Variants in DCAF6 observed in about 807,000 individuals in gnomAD.
DCAF6 encodes the protein DDB1 and CUL4 associated factor 6.
Under a neutral mutation model 125.1 loss-of-function variants are expected in DCAF6, and 54 were observed. The observed-to-expected ratio is 0.43, with a 90% confidence interval of 0.35 to 0.54. The LOEUF is 0.54. Ranked by LOEUF, DCAF6 falls within the 20% of genes least tolerant of loss-of-function variation. The pLI is 0.01. For synonymous variants in DCAF6, 371 were observed against 390.4 expected (o/e 0.95, Z 0.58); for missense variants, 934 against 1,161.7 (o/e 0.80, Z 2.85).
chr1:167,920,643 C>T, the DCAF6 span: 37 of 1,603,006 alleles, frequency 2.3e-5, no homozygotes, highest in South Asian at 4.5e-5. Context: ...TACACATTAA[C>T]GCATAGAAAG....
intron 2 of DCAF6, among the ~76,000 whole-genome samples, chr1:167,953,253 C>T (rs931763218): frequency 1.3e-5 from 2 of 152,108 alleles, no homozygotes; most frequent in Admixed American, 6.5e-5. Flanking sequence ...TCTCACTTAC[C>T]TGTAAAGCTT....
the DCAF6 span, chr1:167,904,660 C>A: frequency 2.2e-5 from 13 of 587,056 alleles, no homozygotes; most frequent in South Asian, 2.2e-4. Flanking sequence ...CTAGGGAGAT[C>A]ATTTCCTGAG....
At position 167,991,225 on chromosome 1, in the gene DCAF6, C is replaced by T. The variant is rs946508292; in HGVS notation, c.574C>T (p.Arg192Cys). Reference sequence around the variant, plus strand: ...GTAGGATATTTTAATTAACTGTCGACGTGCTGCCACGTCTGTTGCTATTTG... The same window carrying T: ...GTAGGATATTTTAATTAACTGTCGATGTGCTGCCACGTCTGTTGCTATTTG... ...CKDDILINCR[R>C]AATSVAICPP... The change falls in exon 6 of 22, where the codon CGT becomes TGT. Residue 192 changes from arginine (R) to cysteine (C), a missense_variant. Physicochemically the swap from Arg to Cys is radical, Grantham distance 180. Coordinates refer to ENST00000367840, the MANE Select transcript of DCAF6 (RefSeq NM_001198956.2). 1.6e-5 allele frequency: 25 copies of T among 1,611,612 alleles called. No individual in the cohort carries two copies. The highest frequency in any genetic ancestry group is 4.5e-5 in the East Asian group (2 of 44,798).
At chr1:167,925,300 C>A in the DCAF6 span, among the ~76,000 whole-genome samples, 2 of 151,508 alleles carry the variant, frequency 1.3e-5, no homozygotes, top group Non-Finnish European at 2.9e-5. Flanking sequence ...ACTATTCATA[C>A]TTGTACCCCT....
chr1:167,939,005 A>G (rs886886782), intron 1 of DCAF6, among the ~76,000 whole-genome samples: 1 of 152,218 alleles, frequency 6.6e-6, no homozygotes, highest in Non-Finnish European at 1.5e-5. Flanking sequence ...ATGATAATAT[A>G]TACTCTTAAA....
intron 12 of DCAF6, among the ~76,000 whole-genome samples, chr1:168,026,629 A>T (rs929745026): frequency 9.2e-5 from 14 of 152,092 alleles, no homozygotes; most frequent in African/African-American, 3.4e-4. Flanking sequence ...AGGTGTCTTG[A>T]TAGGGTGATA....
chr1:167,943,207 C>T (rs1010676632), intron 1 of DCAF6, among the ~76,000 whole-genome samples: 1 of 152,160 alleles, frequency 6.6e-6, no homozygotes, highest in Admixed American at 6.5e-5. Flanking sequence ...CCGCGCCTGG[C>T]CGAAATTTGG....
chr1:167,982,895 C>A (rs554065953), intron 4 of DCAF6, among the ~76,000 whole-genome samples: 1 of 152,078 alleles, frequency 6.6e-6, no homozygotes, highest in Non-Finnish European at 1.5e-5. Flanking sequence ...GCCAGTGATC[C>A]CAGCACCATT....
At chr1:167,931,103 C>A (rs546756839), upstream of DCAF6, among the ~76,000 whole-genome samples, 1 of 152,258 alleles carries the variant, frequency 6.6e-6, no homozygotes, top group African/African-American at 2.4e-5. Context: ...AGCTAAATTT[C>A]GTATTTTTAG....
At position 168,004,579 on chromosome 1, in the gene DCAF6, A is replaced by G. The variant is rs766593524; in HGVS notation, c.1164A>G (p.Ser388=). ...TTTCAACTCTTCCTACGGTCCCATCAAGTCCTGATTTGGAAGTGAGTGAAA... is the reference window on the plus strand; with the variant it reads ...TTTCAACTCTTCCTACGGTCCCATCGAGTCCTGATTTGGAAGTGAGTGAAA... The part of the protein sequence containing the change: ...SDISTLPTVP[S]SPDLEVSETA... Residue 388 remains serine (S), a synonymous_variant, in exon 10 of 22, where the codon TCA becomes TCG. Coordinates refer to ENST00000367840, the MANE Select transcript of DCAF6 (RefSeq NM_001198956.2). The G allele has an allele frequency of 6.2e-7, 1 of 1,612,162 alleles. No homozygotes were observed. The highest frequency in any genetic ancestry group is 2.2e-5 in the East Asian group (1 of 44,858).
the DCAF6 span, among the ~76,000 whole-genome samples, chr1:167,894,520 T>G: frequency 7.9e-5 from 12 of 151,874 alleles, no homozygotes; most frequent in Non-Finnish European, 1.8e-4. Flanking sequence ...GATAGACTGA[T>G]AAGAGATGGT....
At chr1:167,961,312 G>A (rs774471144) in intron 2 of DCAF6, among the ~76,000 whole-genome samples, 10 of 151,906 alleles carry the variant, frequency 6.6e-5, no homozygotes, top group Admixed American at 3.3e-4. Context: ...GCGCGATCTC[G>A]GCTCAATGCA....
At chr1:167,897,261 A>G in the DCAF6 span, among the ~76,000 whole-genome samples, 1 of 150,724 alleles carries the variant, frequency 6.6e-6, no homozygotes, top group Non-Finnish European at 1.5e-5. Flanking sequence ...TGAGGTGGGC[A>G]GATTGCTTGA....
At chr1:167,965,493 T>C (rs1040630841) in intron 2 of DCAF6, among the ~76,000 whole-genome samples, 1 of 152,202 alleles carries the variant, frequency 6.6e-6, no homozygotes, top group Non-Finnish European at 1.5e-5. Flanking sequence ...TGGTTTCTTT[T>C]TCCCTCCCTC....
the DCAF6 span, among the ~76,000 whole-genome samples, chr1:167,919,549 C>G: frequency 6.6e-6 from 1 of 152,290 alleles, no homozygotes; most frequent in African/African-American, 2.4e-5. Flanking sequence ...CGTATCATTT[C>G]CAATACTACA....
At chr1:167,881,413 C>T in the DCAF6 span, among the ~76,000 whole-genome samples, 1 of 152,204 alleles carries the variant, frequency 6.6e-6, no homozygotes, top group Non-Finnish European at 1.5e-5. Context: ...TCAATTTCTT[C>T]AACCCTCTCC....
chr1:168,019,129 A>T (rs1024623612), intron 11 of DCAF6, among the ~76,000 whole-genome samples: 4 of 151,666 alleles, frequency 2.6e-5, no homozygotes, highest in Non-Finnish European at 5.9e-5. Context: ...GCTCACTGCA[A>T]CCTCCACCTC....
chr1:168,049,847 G>A (rs1689666245), intron 16 of DCAF6, among the ~76,000 whole-genome samples: 1 of 150,036 alleles, frequency 6.7e-6, no homozygotes, highest in Admixed American at 6.6e-5. Context: ...AGTAGATACG[G>A]GGTTTCACCG....
chr1:168,057,106 A>T (rs1160967592), intron 17 of DCAF6, among the ~76,000 whole-genome samples: 1 of 152,098 alleles, frequency 6.6e-6, no homozygotes, highest in East Asian at 1.9e-4. Flanking sequence ...TCCACCCTAA[A>T]AAGTCTTTGT....
Sources: gnomAD v4.1 joint callset for allele counts (sites outside exome capture counted in the v4.1 genomes callset) on GRCh38, gnomAD v4.1.1 for gene constraint, MANE v1.5 for transcripts, NCBI Gene and HGNC (gene_info 2026-07-23, HGNC 2026-07-21) for gene names.